ABCA13: variants seen among roughly 807,000 people sequenced by gnomAD.
The protein encoded by ABCA13 is ATP-binding cassette sub-family A member 13.
Under a neutral mutation model 478.7 loss-of-function variants are expected in ABCA13, and 476 were observed. The observed-to-expected ratio is 0.99, with a 90% confidence interval of 0.92 to 1.07. The LOEUF is 1.07. Among genes scored for constraint, ABCA13 ranks in the 50% least tolerant of loss-of-function variants. The pLI is 0.00. For synonymous variants in ABCA13, 2,252 were observed against 2,158.9 expected, an observed-to-expected ratio of 1.04 and a Z score of -1.20; for missense variants, 6,060 against 5,910.6, an observed-to-expected ratio of 1.03 and a Z score of -0.83.
intron 43 of ABCA13, among the ~76,000 whole-genome samples, chr7:48,460,634 T>C (rs1433237648): frequency 7.2e-5 from 11 of 152,192 alleles, no homozygotes; most frequent in Non-Finnish European, 1.2e-4. Flanking sequence ...GGGCATGAAA[T>C]TTGGAGGGAA....
chr7:48,200,636 T>C (rs1167277406), intron 3 of ABCA13, among the ~76,000 whole-genome samples: 8 of 151,782 alleles, frequency 5.3e-5, no homozygotes, highest in Non-Finnish European at 1.5e-5. Flanking sequence ...AAATACAAAA[T>C]AAAATAGGGA....
intron 39 of ABCA13, among the ~76,000 whole-genome samples, chr7:48,408,079 G>T (rs1248095053): frequency 6.6e-6 from 1 of 152,130 alleles, no homozygotes; most frequent in Non-Finnish European, 1.5e-5. Flanking sequence ...CCCTTTTGTT[G>T]TTGAGGGCAC....
At chr7:48,619,681 TCATATATGC>T (rs1479332494) in intron 59 of ABCA13, among the ~76,000 whole-genome samples, 1 of 151,984 alleles carries the variant, frequency 6.6e-6, no homozygotes, top group Non-Finnish European at 1.5e-5. Context: ...CGTGAAAGTG[TCATATATGC>T]CAAGTGGCCT....
chr7:48,485,268 G>A (rs1259410599), intron 47 of ABCA13, among the ~76,000 whole-genome samples: 1 of 151,656 alleles, frequency 6.6e-6, no homozygotes, highest in Non-Finnish European at 1.5e-5. Flanking sequence ...TTTTTGGAGG[G>A]GCTGTTATTC....
chr7:48,262,811 G>A (rs1039163868), intron 15 of ABCA13, among the ~76,000 whole-genome samples: 1 of 151,880 alleles, frequency 6.6e-6, no homozygotes, highest in East Asian at 1.9e-4. Context: ...TGGAATGAGT[G>A]GAATTTGACA....
chr7:48,446,401 A>AG (rs1458884149), intron 42 of ABCA13, among the ~76,000 whole-genome samples: 1 of 151,766 alleles, frequency 6.6e-6, no homozygotes, highest in African/African-American at 2.4e-5. Flanking sequence ...AAAAAAAAAA[A>AG]AAAAGAAACC....
intron 1 of ABCA13, among the ~76,000 whole-genome samples, chr7:48,186,033 T>G (rs1796310766): frequency 6.6e-6 from 1 of 152,024 alleles, no homozygotes. Flanking sequence ...ATAACTAATT[T>G]GTTTAATATT....
chr7:48,484,433 T>C (rs1440970836), intron 47 of ABCA13, among the ~76,000 whole-genome samples: 1 of 152,218 alleles, frequency 6.6e-6, no homozygotes. Context: ...CTGACATATA[T>C]TGGAATACAT....
chr7:48,307,983 C>A (rs189919961), intron 23 of ABCA13, among the ~76,000 whole-genome samples: 3 of 151,998 alleles, frequency 2.0e-5, no homozygotes, highest in Non-Finnish European at 4.4e-5. Context: ...TGCACCCTGC[C>A]GAACCTTTAA....
At chr7:48,634,057 A>T (rs187483447) in intron 59 of ABCA13, among the ~76,000 whole-genome samples, 6 of 152,308 alleles carry the variant, frequency 3.9e-5, no homozygotes, top group Non-Finnish European at 2.9e-5. Flanking sequence ...AAATTAAACA[A>T]CTTGCTCCTG....
At chr7:48,561,348 T>C (rs1585813018) in intron 55 of ABCA13, among the ~76,000 whole-genome samples, 1 of 152,158 alleles carries the variant, frequency 6.6e-6, no homozygotes, top group South Asian at 2.1e-4. Flanking sequence ...TTTATACTAA[T>C]ACACTTTCCT....
chr7:48,266,000 A>G (rs1584510979), intron 15 of ABCA13, among the ~76,000 whole-genome samples: 1 of 151,760 alleles, frequency 6.6e-6, no homozygotes, highest in African/African-American at 2.4e-5. Flanking sequence ...GTTTTTCTGC[A>G]TCTATTGAGA....
At chr7:48,216,249 A>C (rs1410615947) in intron 3 of ABCA13, among the ~76,000 whole-genome samples, 1 of 152,144 alleles carries the variant, frequency 6.6e-6, no homozygotes, top group Non-Finnish European at 1.5e-5. Context: ...CATTCTCACC[A>C]ATACTTATAT....
intron 41 of ABCA13, among the ~76,000 whole-genome samples, chr7:48,416,690 GAGGACAAGGCTGGAGCTGCA>G (rs1820049338): frequency 6.6e-6 from 1 of 152,088 alleles, no homozygotes; most frequent in Non-Finnish European, 1.5e-5. Context: ...GGCGCTCCCA[GAGGACAAGGCTGGAGCTGCA>G]ACCTGGGTGT....
In ABCA13 at chr7:48,508,043, T is replaced by C. The variant is rs781427056; in HGVS notation, c.13518T>C (p.Tyr4506=). Residue 4506 remains tyrosine, a synonymous_variant, in exon 50 of 62, where the codon TAT becomes TAC. Transcript: ENST00000435803. ...TGTACTGGTTCACAAACTTCCTATATGACATGGTAGGATTTGGGAATGAGA... is the reference window on the plus strand; with the variant it reads ...TGTACTGGTTCACAAACTTCCTATACGACATGGTAGGATTTGGGAATGAGA... ...YRMYWFTNFL[Y]DMLFYLVSVC... is the part of the protein sequence containing the mutation. The C allele has an allele frequency of 6.2e-7, 1 of 1,613,818 alleles. No individual in the cohort carries two copies. The highest frequency in any genetic ancestry group is 1.3e-5 in the African/African-American group (1 of 75,036).
intron 4 of ABCA13, among the ~76,000 whole-genome samples, 193 bp from the exon 5 acceptor site, chr7:48,221,088 T>A (rs1011784235): frequency 6.6e-6 from 1 of 152,210 alleles, no homozygotes; most frequent in Non-Finnish European, 1.5e-5. Context: ...ATACTTAGAT[T>A]TGGAAATCTA....
rs748109245 is a variant in ABCA13 at position 48,313,196 on chromosome 7, A to G, written c.9646A>G (p.Ile3216Val). The change falls in exon 25 of 62, where the codon ATC (isoleucine) becomes GTC (valine). Residue 3216 changes from isoleucine to valine, a missense_variant. Coordinates refer to ENST00000435803, the MANE Select transcript of ABCA13 (RefSeq NM_152701.5). Reference protein sequence around the residue: ...YLPEFLHTFKITALLETLDFQ... With the variant: ...YLPEFLHTFKVTALLETLDFQ... ...TCCTGAGTTTCTTCACACATTTAAAATCACTGCCTTGCTAGAAACCCTGGA... is the reference window on the plus strand; with the variant it reads ...TCCTGAGTTTCTTCACACATTTAAAGTCACTGCCTTGCTAGAAACCCTGGA... 6.2e-7 allele frequency: 1 copy of G among 1,612,604 alleles called. No individual in the cohort carries two copies. The highest frequency in any genetic ancestry group is 1.7e-5 in the Admixed American group (1 of 59,842).
chr7:48,350,724 C>T lies in ABCA13; in HGVS notation c.10286C>T (p.Ser3429Phe). 2 of 1,613,964 alleles carry T rather than the reference C, an allele frequency of 1.2e-6. No individual in the cohort carries two copies. Among genetic ancestry groups the T allele is most frequent in the Non-Finnish European group, 1.7e-6 (2 of 1,179,862 alleles). The change falls in exon 30 of 62, where the codon TCC becomes TTC. Residue 3429 changes from serine (S) to phenylalanine (F), a missense_variant. Ser to Phe is a radical substitution (Grantham distance 155). Transcript: ENST00000435803. ...GGCAGCATCTTGGTCAATCTCTCTT[C>T]CTGCGTGGCACTGAACCGTTTCCAG... is the stretch of plus-strand genomic sequence containing the variant. ...FLGSILVNLSSCVALNRFQAL... is the reference protein window; with the variant it reads ...FLGSILVNLSFCVALNRFQAL...
chr7:48,587,339 A>G, intron 57 of ABCA13, 51 bp downstream of exon 57: 2 of 1,499,806 alleles, frequency 1.3e-6, no homozygotes, highest in Non-Finnish European at 1.8e-6. Flanking sequence ...TTGCATATTG[A>G]TTTATAAACT....
Sources: gnomAD v4.1 joint callset for allele counts (sites outside exome capture counted in the v4.1 genomes callset) on GRCh38, gnomAD v4.1.1 for gene constraint, MANE v1.5 for transcripts, NCBI Gene and HGNC (gene_info 2026-07-23, HGNC 2026-07-21) for gene names.